PHACTR2: variants seen among roughly 807,000 people sequenced by gnomAD.
PHACTR2 encodes the protein chromosome 6 open reading frame 56.
In PHACTR2, 30 loss-of-function variants were observed where a neutral mutation model predicts 76.0. The observed-to-expected ratio is 0.39, with a 90% confidence interval of 0.30 to 0.54. The LOEUF is 0.54. Ranked by LOEUF, PHACTR2 falls within the 20% of genes least tolerant of loss-of-function variation. The pLI is 0.61. For synonymous variants in PHACTR2, 292 were observed against 292.5 expected, an observed-to-expected ratio of 1.00 and a Z score of 0.02; for missense variants, 696 against 781.1, an observed-to-expected ratio of 0.89 and a Z score of 1.30.
In PHACTR2 at chr6:143,610,071, G is replaced by A. The variant is rs931869654; in HGVS notation, c.13+1749G>A. On this transcript the variant is annotated intron_variant, in intron 1 of 11. Transcript: ENST00000305766. This position sits in a 1 kb window ranked among gnomAD's most constrained non-coding sequence, Gnocchi z 4.9. The stretch of plus-strand genomic sequence containing the variant: ...CATACATACCTTTGAATAGAATAAC[G>A]GGTTTTAAATCACATAATTTGAATG... Among the ~76,000 whole-genome samples the A allele has an allele frequency of 2.0e-5, 3 of 151,962 alleles. No individual in the cohort carries two copies. The highest frequency in any genetic ancestry group is 4.4e-5 in the Non-Finnish European group (3 of 67,992).
In PHACTR2 at chr6:143,684,799, G is replaced by A. The variant is rs1207731616; in HGVS notation, c.46+6590G>A. Among the ~76,000 whole-genome samples, 2 of 152,144 alleles carry A rather than the reference G, an allele frequency of 1.3e-5. No individual in the cohort carries two copies. The highest frequency in any genetic ancestry group is 2.4e-5 in the African/African-American group (1 of 41,428). ...TTCCCACTCATTCTCTTACCTATGT[G>A]TCCTTCTGCAGTCAACACTCTACAC... On this transcript the variant is annotated intron_variant, in intron 1 of 12. Transcript: ENST00000440869. The surrounding 1 kb of genome is among the most constrained non-coding windows in gnomAD (Gnocchi z 4.3).
intron 2 of PHACTR2, among the ~76,000 whole-genome samples, chr6:143,713,415 C>A (rs1268542491): frequency 6.6e-6 from 1 of 152,098 alleles, no homozygotes; most frequent in Non-Finnish European, 1.5e-5. Flanking sequence ...TTATTATTCT[C>A]ATTTCTCTGC....
rs1776200534 is a variant in PHACTR2 at position 143,623,656 on chromosome 6, G to A, written c.13+15334G>A. On this transcript the variant is annotated intron_variant, in intron 1 of 11. Coordinates refer to the PHACTR2 transcript ENST00000305766. This position sits in a 1 kb window ranked among gnomAD's most constrained non-coding sequence, Gnocchi z 5.9. ...GAACTCTTGTTGAAAATCAGTTCAT[G>A]GGAGTACAGCATACAAAGTTGGTTT... Among the ~76,000 whole-genome samples, 1 of 152,148 alleles carries A rather than the reference G, an allele frequency of 6.6e-6. No homozygotes were observed. The highest frequency in any genetic ancestry group is 6.5e-5 in the Admixed American group (1 of 15,282).
chr6:143,552,523 C>T (rs573239830), intron 1 of PHACTR2, among the ~76,000 whole-genome samples: 143 of 152,294 alleles, frequency 9.4e-4, no homozygotes, highest in Non-Finnish European at 1.6e-3. Flanking sequence ...TTTCAATAAT[C>T]TTTCATTAAC....
rs150795476 is a variant in PHACTR2, at chr6:143,761,711, G to A, written c.694+1071G>A. Among the ~76,000 whole-genome samples, 1,648 of 151,860 alleles carry A rather than the reference G, an allele frequency of 0.011. 31 individuals are homozygous for A. The highest frequency in any genetic ancestry group is 0.037 in the African/African-American group (1,540 of 41,380). On this transcript the variant is annotated intron_variant, in intron 5 of 12. Transcript: ENST00000440869. This position sits in a 1 kb window ranked among gnomAD's most constrained non-coding sequence, Gnocchi z 5.2. ...AGAAGTTGCGGTGAGCTGAGATCGC[G>A]CCACTGCACTCCAGCCTGGGCGACA...
chr6:143,591,003 C>T lies in PHACTR2; in HGVS notation c.217+53796C>T, dbSNP rs1208882289. Among the ~76,000 whole-genome samples the T allele has an allele frequency of 6.6e-6, 1 of 152,208 alleles. No individual in the cohort carries two copies. Among genetic ancestry groups the T allele is most frequent in the Admixed American group, 6.5e-5 (1 of 15,284 alleles). ...AAACTCGACGTGTATATCCTACCAA[C>T]AGTCGGCCAAGTAGAATTGTACTTG... On this transcript the variant is annotated intron_variant, in intron 1 of 11. Transcript: ENST00000367584. This position sits in a 1 kb window ranked among gnomAD's most constrained non-coding sequence, Gnocchi z 6.4.
chr6:143,577,484 C>CA (rs1029352991), intron 1 of PHACTR2, among the ~76,000 whole-genome samples: 6 of 151,636 alleles, frequency 4.0e-5, no homozygotes, highest in African/African-American at 1.5e-4. Context: ...TTTGACTTAG[C>CA]AAAAAAAGGT....
intron 1 of PHACTR2, among the ~76,000 whole-genome samples, chr6:143,631,464 G>C (rs187703542): frequency 6.6e-6 from 1 of 152,226 alleles, no homozygotes; most frequent in African/African-American, 2.4e-5. Flanking sequence ...AAAGTGTTGG[G>C]ATTAGACGCC....
chr6:143,665,047 C>T (rs1369495469), intron 1 of PHACTR2, among the ~76,000 whole-genome samples: 1 of 152,058 alleles, frequency 6.6e-6, no homozygotes, highest in Non-Finnish European at 1.5e-5. Flanking sequence ...GATCTGCCAG[C>T]CTCGGCCTCC....
chr6:143,765,412 C>A lies in PHACTR2; in HGVS notation c.846C>A (p.Asp282Glu). The A allele has an allele frequency of 6.2e-7, 1 of 1,614,218 alleles. No individual in the cohort carries two copies. The highest frequency in any genetic ancestry group is 1.1e-5 in the South Asian group (1 of 91,082). The change falls in exon 6 of 13, where the codon GAC becomes GAA. Residue 282 changes from aspartate to glutamate, a missense_variant. Asp to Glu is a conservative substitution (Grantham distance 45). Coordinates refer to ENST00000440869, the MANE Select transcript of PHACTR2 (RefSeq NM_001100164.2). The surrounding 1 kb of genome is among the most constrained non-coding windows in gnomAD (Gnocchi z 4.1). ...VGTTKGKRKT[D>E]KQPITSHLSS... ...CCACCAAGGGCAAGAGAAAAACTGA[C>A]AAGCAGCCAATAACTTCTCACCTGT...
intron 9 of PHACTR2, among the ~76,000 whole-genome samples, chr6:143,781,976 A>G (rs1404390786): frequency 6.6e-6 from 1 of 152,260 alleles, no homozygotes; most frequent in African/African-American, 2.4e-5. Flanking sequence ...TCAGAGAAGG[A>G]AAACTGATAG....
intron 1 of PHACTR2, among the ~76,000 whole-genome samples, chr6:143,691,206 T>C (rs1777636119): frequency 2.0e-5 from 3 of 152,154 alleles, no homozygotes. Context: ...ATGATGGGAT[T>C]ACATCTTGAT....
chr6:143,564,650 G>T (rs1315057820), intron 1 of PHACTR2, among the ~76,000 whole-genome samples: 3 of 152,162 alleles, frequency 2.0e-5, no homozygotes, highest in African/African-American at 4.8e-5. Context: ...GGCCTCGGCT[G>T]TGCTTTGCAT....
Position 143,772,348 on chromosome 6 carries a change from A to G in PHACTR2, c.1323A>G (p.Ser441=). ...MGESSESFSA[S]EDEGHREYQA... is the part of the protein sequence containing the mutation. ...AATCTTCAGAATCCTTTAGTGCCTC[A>G]GAAGATGAAGGCCACAGGGAATACC... is the stretch of plus-strand genomic sequence containing the variant. The change falls in exon 7 of 13, where the codon TCA becomes TCG. Residue 441 remains serine, a synonymous_variant. Transcript: ENST00000440869. This position sits in a 1 kb window ranked among gnomAD's most constrained non-coding sequence, Gnocchi z 5.4. 1.2e-6 allele frequency: 2 copies of G among 1,613,484 alleles called. No homozygotes were observed. The highest frequency in any genetic ancestry group is 2.7e-5 in the African/African-American group (2 of 75,022).
intron 2 of PHACTR2, among the ~76,000 whole-genome samples, chr6:143,741,396 G>T (rs1401486938): frequency 6.6e-6 from 1 of 152,234 alleles, no homozygotes; most frequent in Admixed American, 6.5e-5. Context: ...AGTAGGCTGA[G>T]GCAGGAGAAT....
rs1024072632 is a variant in PHACTR2 at position 143,580,313 on chromosome 6, G to A, written c.217+43106G>A. On this transcript the variant is annotated intron_variant, in intron 1 of 11. Transcript: ENST00000367584. The surrounding 1 kb of genome is among the most constrained non-coding windows in gnomAD (Gnocchi z 4.2). ...ATCTTGGCCAACACGGTGAAACCCC[G>A]TCTCTACTAAAAATACAAAAAATTA... 2.0e-5 allele frequency among the ~76,000 whole-genome samples: 3 copies of A among 152,060 alleles called. No homozygotes were observed. Among genetic ancestry groups the A allele is most frequent in the African/African-American group, 7.2e-5 (3 of 41,406 alleles).
intron 1 of PHACTR2, among the ~76,000 whole-genome samples, chr6:143,609,169 A>G (rs1325345773): frequency 3.9e-5 from 6 of 152,202 alleles, no homozygotes; most frequent in African/African-American, 1.4e-4. Flanking sequence ...CAGCTCTTCT[A>G]AGAGGTTACA....
At chr6:143,756,369 T>C (rs1199135597) in intron 4 of PHACTR2, among the ~76,000 whole-genome samples, 1 of 152,082 alleles carries the variant, frequency 6.6e-6, no homozygotes, top group Non-Finnish European at 1.5e-5. Context: ...TGGTCTCCCA[T>C]TATTCTTTCT....
At position 143,712,135 on chromosome 6, in the gene PHACTR2, A is replaced by G. The variant is rs765767795; in HGVS notation, c.166A>G (p.Lys56Glu). ...STIGKIFKPW[K>E]WRKKKTSDKF... Reference sequence around the variant, plus strand: ...CATTGGTAAAATCTTTAAGCCTTGGAAATGGAGGAAAAAGAAGACCAGCGA... The same window carrying G: ...CATTGGTAAAATCTTTAAGCCTTGGGAATGGAGGAAAAAGAAGACCAGCGA... Residue 56 changes from lysine (K) to glutamate (E), a missense_variant, in exon 2 of 13, where the codon AAA (lysine) becomes GAA (glutamate). By Grantham distance (56) the Lys-to-Glu change is moderately conservative. Around this residue, in one of 2 missense-constraint regions of PHACTR2, gnomAD observed 460 missense variants for 450.9 expected, o/e 1.02. Coordinates refer to ENST00000440869, the MANE Select transcript of PHACTR2 (RefSeq NM_001100164.2). 6.4e-7 allele frequency: 1 copy of G among 1,569,726 alleles called. No homozygotes were observed. The highest frequency in any genetic ancestry group is 8.6e-7 in the Non-Finnish European group (1 of 1,162,530).
Sources: allele counts gnomAD v4.1 joint callset (sites outside exome capture counted in the v4.1 genomes callset), GRCh38; gene constraint gnomAD v4.1.1; regional missense constraint gnomAD v4.1.1; non-coding constraint Gnocchi (gnomAD v3.1); transcripts MANE v1.5; gene names NCBI Gene and HGNC (gene_info 2026-07-23, HGNC 2026-07-21).